The following IDNK variants were observed in gnomAD, a reference collection of about 807,000 sequenced individuals.
IDNK encodes gluconokinase.
A neutral mutation model predicts 13.0 loss-of-function variants in IDNK; 9 were observed. The ratio of observed to expected loss-of-function variants is 0.69; its 90% CI spans 0.42 to 1.21. IDNK has a LOEUF of 1.21. Ranked by LOEUF, IDNK falls within the 50% of genes most tolerant of loss-of-function variation. The pLI, the probability that IDNK is intolerant of heterozygous loss-of-function variation, is 0.00. For missense variants in IDNK, 210 were observed against 237.8 expected (o/e 0.88, Z 0.77); for synonymous variants, 92 against 94.9 (o/e 0.97, Z 0.18).
At chr9:83,626,530 C>T (rs867240637) in intron 1 of IDNK, 4 of 429,428 alleles carry the variant, frequency 9.3e-6, no homozygotes, top group Non-Finnish European at 1.9e-5. Context: ...GATTGTCATG[C>T]CTCAGCCTCC....
chr9:83,629,782 G>A (rs1830961764), intron 3 of IDNK, among the ~76,000 whole-genome samples: 1 of 152,240 alleles, frequency 6.6e-6, no homozygotes, highest in Non-Finnish European at 1.5e-5. Context: ...CCCTAAAAGG[G>A]CAGGGACTGT....
upstream of IDNK, chr9:83,623,067 C>A: frequency 1.2e-6 from 1 of 824,328 alleles, no homozygotes; most frequent in South Asian, 2.5e-5. Context: ...AGGGGCACGG[C>A]CCTCACTGCC....
chr9:83,640,062 G>A (rs1249018225), intron 3 of IDNK, among the ~76,000 whole-genome samples: 1 of 152,050 alleles, frequency 6.6e-6, no homozygotes, highest in Non-Finnish European at 1.5e-5. Flanking sequence ...TGGCTCACCT[G>A]TCTAAGTGTG....
Position 83,643,568 on chromosome 9 carries a change from C to T in IDNK, c.352C>T (p.Gln118Ter). 3.1e-6 allele frequency: 5 copies of T among 1,614,040 alleles called. No homozygotes were observed. Among genetic ancestry groups the T allele is most frequent in the African/African-American group, 1.3e-5 (1 of 75,000 alleles). The change falls in exon 5 of 5, where the codon CAG becomes TAG. Residue 118 changes from glutamine to a stop codon, truncating the protein, a stop_gained. Coordinates refer to ENST00000376419, the MANE Select transcript of IDNK (RefSeq NM_001001551.4). LOFTEE classifies it high-confidence loss of function. ...SGKEAKQAEM[Q>*]LLVVHLSGSF... ...AAAGGAAGCAAAGCAGGCTGAGATGCAGCTCCTGGTGGTCCATCTGAGCGG... is the reference window on the plus strand; with the variant it reads ...AAAGGAAGCAAAGCAGGCTGAGATGTAGCTCCTGGTGGTCCATCTGAGCGG...
At chr9:83,623,393 G>A (rs1446856029) in intron 1 of IDNK, 172 bp downstream of exon 1, 8 of 653,238 alleles carry the variant, frequency 1.2e-5, no homozygotes, top group Admixed American at 3.0e-5. Flanking sequence ...CCGCCCTCCA[G>A]CCTGCTCGCG....
In IDNK at chr9:83,623,251, G is replaced by A. The variant is rs1587597272; in HGVS notation, c.50+30G>A. 9 of 1,379,864 alleles carry A rather than the reference G, an allele frequency of 6.5e-6. No homozygotes were observed. The East Asian group carries it at 1.6e-4, about 24-fold the overall frequency. 85.5% of individuals were successfully genotyped at this position (1,379,864 alleles called of 1,614,324 possible). ...GTCCGGGAGAGGGCGGGGGGCGCCC[G>A]GGACAAGTGTTGCGGGCGCGGCGGA... On this transcript the variant is annotated intron_variant, in intron 1 of 4. Coordinates refer to ENST00000376419, the MANE Select transcript of IDNK (RefSeq NM_001001551.4).
intron 3 of IDNK, among the ~76,000 whole-genome samples, chr9:83,629,462 T>C (rs1830953447): frequency 6.6e-6 from 1 of 152,216 alleles, no homozygotes; most frequent in Non-Finnish European, 1.5e-5. Flanking sequence ...ATGCATGGCA[T>C]GGCCTCCACA....
At chr9:83,625,205 A>G (rs1050006456) in intron 1 of IDNK, among the ~76,000 whole-genome samples, 1 of 152,236 alleles carries the variant, frequency 6.6e-6, no homozygotes, top group African/African-American at 2.4e-5. Flanking sequence ...GAGAGAAGTC[A>G]AGGATGATTC....
At chr9:83,624,648 A>G (rs938134936) in intron 1 of IDNK, among the ~76,000 whole-genome samples, 1 of 151,832 alleles carries the variant, frequency 6.6e-6, no homozygotes, top group Non-Finnish European at 1.5e-5. Flanking sequence ...AGCTGAGGAA[A>G]GGGCAGGACA....
At chr9:83,626,864 C>G in intron 1 of IDNK, 4 of 1,089,358 alleles carry the variant, frequency 3.7e-6, no homozygotes, top group Non-Finnish European at 4.5e-6. Context: ...TTTCACTGCT[C>G]TCGCAACCTT....
At chr9:83,641,899 C>T (rs1006073591) in intron 4 of IDNK, among the ~76,000 whole-genome samples, 1 of 152,198 alleles carries the variant, frequency 6.6e-6, no homozygotes, top group African/African-American at 2.4e-5. Context: ...TAATATAGTT[C>T]CTACTCACAG....
At chr9:83,631,232 G>T (rs553658360) in intron 3 of IDNK, among the ~76,000 whole-genome samples, 1 of 152,078 alleles carries the variant, frequency 6.6e-6, no homozygotes, top group South Asian at 2.1e-4. Context: ...CCTTGAGGAA[G>T]AGTCTAGGGA....
At chr9:83,630,286 T>C (rs1050489468) in intron 3 of IDNK, among the ~76,000 whole-genome samples, 12 of 152,122 alleles carry the variant, frequency 7.9e-5, no homozygotes, top group African/African-American at 2.9e-4. Flanking sequence ...TTTTAGAAGA[T>C]AGGGCAATAG....
intron 3 of IDNK, among the ~76,000 whole-genome samples, chr9:83,640,051 G>C (rs1411969257): frequency 1.3e-5 from 2 of 152,122 alleles, no homozygotes; most frequent in Non-Finnish European, 2.9e-5. Context: ...GGCAGGGATG[G>C]TGGCTCACCT....
intron 1 of IDNK, 126 bp downstream of exon 1, chr9:83,623,347 G>A (rs1830755242): frequency 2.1e-6 from 2 of 944,720 alleles, no homozygotes; most frequent in Middle Eastern, 2.2e-4. Context: ...CTTTGCAGAT[G>A]AAGAAACCGA....
At chr9:83,629,023 A>G (rs555347693) in intron 3 of IDNK, 64 bp downstream of exon 3, 2 of 1,273,502 alleles carry the variant, frequency 1.6e-6, no homozygotes, top group South Asian at 2.4e-5. Context: ...AGCTCGCTAC[A>G]GCACTTGCTG....
In IDNK at chr9:83,643,948, T is replaced by C. The variant is rs529387392; in HGVS notation, c.*168T>C. 7.5e-5 allele frequency: 42 copies of C among 561,618 alleles called. 1 individual carries two copies. In the South Asian group the frequency reaches 9.9e-4, roughly 13 times the overall value. The allele number at this position is 561,618 out of a possible 1,614,324, so 34.8% of individuals were successfully genotyped here. A position where few individuals can be genotyped will look rare whatever the true frequency, so the allele number is the denominator to read the frequency against. ...GTGTAATTTTAGGAATTATGCTGGT[T>C]CATCAGGAAGCAGAGGGGGAGTTTT... On this transcript the variant is annotated 3_prime_UTR_variant, in exon 5 of 5. Coordinates refer to ENST00000376419, the MANE Select transcript of IDNK (RefSeq NM_001001551.4).
chr9:83,624,318 A>G (rs1288168587), intron 1 of IDNK, among the ~76,000 whole-genome samples: 1 of 152,150 alleles, frequency 6.6e-6, no homozygotes, highest in Non-Finnish European at 1.5e-5. Flanking sequence ...ACCCCCTCTG[A>G]GTCTTGAATC....
At chr9:83,626,876 G>C (rs533987169) in intron 1 of IDNK, 16 of 1,084,388 alleles carry the variant, frequency 1.5e-5, no homozygotes, top group Middle Eastern at 4.3e-4. Flanking sequence ...CGCAACCTTT[G>C]GTTACATCCA....
Sources: allele counts gnomAD v4.1 joint callset (sites outside exome capture counted in the v4.1 genomes callset), GRCh38; gene constraint gnomAD v4.1.1; transcripts MANE v1.5; gene names NCBI Gene and HGNC (gene_info 2026-07-23, HGNC 2026-07-21).